TFEC: variants seen among roughly 807,000 people sequenced by gnomAD.
TFEC encodes transcription factor EC.
A neutral mutation model predicts 41.6 loss-of-function variants in TFEC; 31 were observed. The observed-to-expected ratio is 0.74, with a 90% confidence interval of 0.56 to 1.01. The LOEUF (loss-of-function observed/expected upper bound fraction) is 1.01. Ranked by LOEUF, TFEC falls within the 50% of genes least tolerant of loss-of-function variation. TFEC has a pLI of 0.00. For synonymous variants in TFEC, 143 were observed against 140.6 expected (o/e 1.02, Z -0.12); for missense variants, 402 against 404.1 (o/e 0.99, Z 0.04).
chr7:115,999,658 CACAG>C lies in TFEC; in HGVS notation c.-72-15149_-72-15146del, dbSNP rs1794511539. Among the ~76,000 whole-genome samples the C allele has an allele frequency of 1.3e-5, 2 of 151,728 alleles. 1 individual carries two copies. Among genetic ancestry groups the C allele is most frequent in the Non-Finnish European group, 3.0e-5 (2 of 67,788 alleles). ...AAAAAGGAGACATTACAACTGATAT[CACAG>C]ACATTCAAATGATTATTAGGGCTAC... On this transcript the variant is annotated intron_variant, in intron 1 of 7. Transcript: ENST00000265440.
intron 1 of TFEC, among the ~76,000 whole-genome samples, chr7:116,014,216 G>A (rs2130826455): frequency 1.3e-5 from 2 of 152,116 alleles, no homozygotes; most frequent in Middle Eastern, 3.4e-3. Flanking sequence ...TTTCAGCTTG[G>A]CTTATCCTGC....
At chr7:115,968,856 C>T (rs1792997251) in intron 3 of TFEC, among the ~76,000 whole-genome samples, 2 of 151,872 alleles carry the variant, frequency 1.3e-5, no homozygotes, top group Admixed American at 1.3e-4. Flanking sequence ...AGTTACTGAA[C>T]TCTCTAAGCT....
At chr7:115,956,605 A>G (rs1792246104) in intron 4 of TFEC, 74 bp downstream of exon 4, 1 of 899,970 alleles carries the variant, frequency 1.1e-6, no homozygotes, top group Non-Finnish European at 1.6e-6. Flanking sequence ...AATCCTAGTT[A>G]GCACAATATA....
chr7:115,982,131 T>A (rs1793656297), intron 2 of TFEC, among the ~76,000 whole-genome samples: 2 of 152,088 alleles, frequency 1.3e-5, no homozygotes, highest in Non-Finnish European at 2.9e-5. Flanking sequence ...ACTTATCCTG[T>A]GGTAGCTATG....
At chr7:115,974,417 T>TATATAC (rs1322948744) in intron 2 of TFEC, among the ~76,000 whole-genome samples, 161 bp from the exon 3 acceptor site, 2 of 40,958 alleles carry the variant, frequency 4.9e-5, no homozygotes, top group Non-Finnish European at 1.1e-4. Context: ...TATATATATA[T>TATATAC]ATATATATAT....
intron 5 of TFEC, among the ~76,000 whole-genome samples, chr7:115,952,048 AG>A (rs1791974897): frequency 6.6e-6 from 1 of 152,132 alleles, no homozygotes; most frequent in Non-Finnish European, 1.5e-5. Flanking sequence ...ATACTTAAAC[AG>A]TTCACATTTG....
chr7:115,957,528 T>A (rs948290313), intron 3 of TFEC, among the ~76,000 whole-genome samples: 3 of 151,924 alleles, frequency 2.0e-5, no homozygotes, highest in African/African-American at 7.2e-5. Flanking sequence ...CAATTCATTA[T>A]TCAAAGTGTG....
At chr7:116,012,042 GAAATGCA>G (rs1795021261) in intron 1 of TFEC, among the ~76,000 whole-genome samples, 1 of 152,098 alleles carries the variant, frequency 6.6e-6, no homozygotes, top group African/African-American at 2.4e-5. Flanking sequence ...TTCCTTTATA[GAAATGCA>G]AATTGGACTC....
intron 3 of TFEC, among the ~76,000 whole-genome samples, chr7:116,086,127 G>A (rs1584497452): frequency 6.6e-6 from 1 of 151,496 alleles, no homozygotes; most frequent in South Asian, 2.1e-4. Flanking sequence ...GAAAATTAAA[G>A]GTAAATGATA....
chr7:116,015,970 C>T (rs1282298436), intron 1 of TFEC, among the ~76,000 whole-genome samples: 1 of 152,092 alleles, frequency 6.6e-6, no homozygotes, highest in Non-Finnish European at 1.5e-5. Context: ...TAGATAAAGT[C>T]ACTCAGGATG....
At chr7:116,056,226 T>C (rs2130972552) in intron 3 of TFEC, among the ~76,000 whole-genome samples, 1 of 151,992 alleles carries the variant, frequency 6.6e-6, no homozygotes, top group Middle Eastern at 3.4e-3. Flanking sequence ...TCGACAATTT[T>C]CCTACTGTCC....
intron 3 of TFEC, among the ~76,000 whole-genome samples, chr7:116,047,497 G>T (rs1368043535): frequency 2.0e-5 from 3 of 152,124 alleles, no homozygotes; most frequent in Admixed American, 2.0e-4. Context: ...AAACAAAGTG[G>T]TCTGGAAACT....
At chr7:115,952,771 C>G (rs1792014812) in intron 5 of TFEC, among the ~76,000 whole-genome samples, 1 of 152,038 alleles carries the variant, frequency 6.6e-6, no homozygotes, top group Admixed American at 6.6e-5. Context: ...AAGTTTTTGA[C>G]ATATTCACTT....
chr7:116,136,400 G>C (rs1798433721), intron 1 of TFEC, among the ~76,000 whole-genome samples: 2 of 151,986 alleles, frequency 1.3e-5, no homozygotes, highest in Non-Finnish European at 2.9e-5. Flanking sequence ...TGGTACAGCT[G>C]TAAATAGAAC....
intron 1 of TFEC, among the ~76,000 whole-genome samples, chr7:116,001,171 C>T (rs1282048555): frequency 6.6e-6 from 1 of 151,994 alleles, no homozygotes; most frequent in African/African-American, 2.4e-5. Context: ...TCATTTTAGA[C>T]AAAGGTGCCA....
chr7:116,008,237 T>C (rs1340866328), intron 1 of TFEC, among the ~76,000 whole-genome samples: 1 of 152,200 alleles, frequency 6.6e-6, no homozygotes, highest in East Asian at 1.9e-4. Context: ...CATGGGTGCC[T>C]ACCTAATAAG....
At chr7:116,086,604 T>A (rs1797209235) in intron 3 of TFEC, among the ~76,000 whole-genome samples, 1 of 151,698 alleles carries the variant, frequency 6.6e-6, no homozygotes, top group African/African-American at 2.4e-5. Flanking sequence ...TGTAATGCTA[T>A]AAGACACCAC....
chr7:116,075,172 C>G (rs1584485074), intron 3 of TFEC, among the ~76,000 whole-genome samples: 1 of 152,252 alleles, frequency 6.6e-6, no homozygotes, highest in African/African-American at 2.4e-5. Flanking sequence ...GAATTGTACA[C>G]TTTACTTGGG....
At chr7:116,007,410 C>T (rs528397794) in intron 1 of TFEC, among the ~76,000 whole-genome samples, 24 of 152,254 alleles carry the variant, frequency 1.6e-4, no homozygotes, top group African/African-American at 5.8e-4. Context: ...ATTAACTTAC[C>T]TATTTGCATT....
Sources: gnomAD v4.1 joint callset for allele counts (sites outside exome capture counted in the v4.1 genomes callset) on GRCh38, gnomAD v4.1.1 for gene constraint, MANE v1.5 for transcripts, NCBI Gene and HGNC (gene_info 2026-07-23, HGNC 2026-07-21) for gene names.